ATG16L1: variants seen among roughly 807,000 people sequenced by gnomAD.
ATG16L1 encodes autophagy-related protein 16-1.
A neutral mutation model predicts 88.5 loss-of-function variants in ATG16L1; 37 were observed. That is an observed-to-expected ratio of 0.42 (90% confidence interval 0.32 to 0.55). The LOEUF (loss-of-function observed/expected upper bound fraction) is 0.55. Ranked by LOEUF, ATG16L1 falls within the 20% of genes least tolerant of loss-of-function variation. The pLI, the probability that ATG16L1 is intolerant of heterozygous loss-of-function variation, is 0.13. For synonymous variants in ATG16L1, 301 were observed against 281.0 expected, an observed-to-expected ratio of 1.07 and a Z score of -0.71; for missense variants, 554 against 752.8, an observed-to-expected ratio of 0.74 and a Z score of 3.09.
intron 6 of ATG16L1, among the ~76,000 whole-genome samples, chr2:233,270,619 G>C (rs888273344): frequency 6.6e-6 from 1 of 152,112 alleles, no homozygotes; most frequent in African/African-American, 2.4e-5. Context: ...TAATGCGGTG[G>C]GGTTTTTGTT....
At chr2:233,271,799 T>G (rs374991868) in intron 6 of ATG16L1, among the ~76,000 whole-genome samples, 14 of 152,380 alleles carry the variant, frequency 9.2e-5, no homozygotes, top group East Asian at 5.8e-4. Flanking sequence ...TTCTCCTCTC[T>G]TCCTTGTATG....
rs1164275592 is a variant in ATG16L1 at position 233,294,708 on chromosome 2, G to A, written c.*358G>A. ...TGCCAAAATCAGCCCCCACATCAAG[G>A]TGGTGTTCTCTGTGCTTTCTCTCGT... On this transcript the variant is annotated 3_prime_UTR_variant, in exon 18 of 18. Coordinates refer to ENST00000392017, the MANE Select transcript of ATG16L1 (RefSeq NM_030803.7). 1.1e-5 allele frequency: 2 copies of A among 179,380 alleles called. No homozygotes were observed. Among genetic ancestry groups the A allele is most frequent in the East Asian group, 3.0e-4 (2 of 6,684 alleles). 11.1% of individuals were successfully genotyped at this position (179,380 alleles called of 1,614,324 possible).
chr2:233,251,729 G>T lies in ATG16L1; in HGVS notation c.-99G>T, dbSNP rs1574831294. ...GTGTGTGGAGGTGAGCTCCGGGATTGCCGGCATTCCCGCTTCTGCTGGTTG... is the reference window on the plus strand; with the variant it reads ...GTGTGTGGAGGTGAGCTCCGGGATTTCCGGCATTCCCGCTTCTGCTGGTTG... On this transcript the variant is annotated 5_prime_UTR_variant, in exon 1 of 18. Transcript: ENST00000392017. 1.8e-6 allele frequency: 2 copies of T among 1,087,462 alleles called. No homozygotes were observed. The highest frequency in any genetic ancestry group is 3.2e-5 in the African/African-American group (2 of 63,098). 67.4% of individuals were successfully genotyped at this position (1,087,462 alleles called of 1,614,324 possible).
At chr2:233,274,468 A>G in intron 8 of ATG16L1, 2 of 497,664 alleles carry the variant, frequency 4.0e-6, no homozygotes, top group South Asian at 5.7e-5. Flanking sequence ...GCAGGAGAGT[A>G]AGGCATGTGC....
chr2:233,293,389 C>G, intron 17 of ATG16L1, 32 bp downstream of exon 17: 2 of 1,587,244 alleles, frequency 1.3e-6, no homozygotes, highest in Non-Finnish European at 1.7e-6. Context: ...CCCCCCGTTG[C>G]GTTGTGAGCA....
At position 233,264,032 on chromosome 2, in the gene ATG16L1, G is replaced by T; in HGVS notation, c.356G>T (p.Arg119Leu). 6.2e-7 allele frequency: 1 copy of T among 1,614,014 alleles called. No individual in the cohort carries two copies. Among genetic ancestry groups the T allele is most frequent in the Non-Finnish European group, 8.5e-7 (1 of 1,179,948 alleles). ...LVIDLNNQMQ[R>L]KDREMQMNEA... ...ATTGACCTGAATAACCAAATGCAGCGGAAGGACAGGGAGATGCAGATGAAT... is the reference window on the plus strand; with the variant it reads ...ATTGACCTGAATAACCAAATGCAGCTGAAGGACAGGGAGATGCAGATGAAT... The change falls in exon 4 of 18, where the codon CGG (arginine) becomes CTG (leucine). Residue 119 changes from arginine (R) to leucine (L), a missense_variant. Around this residue, in one of 5 missense-constraint regions of ATG16L1, gnomAD observed 50 missense variants for 49.4 expected, o/e 1.01. Transcript: ENST00000392017.
chr2:233,252,717 T>C (rs1044117213), intron 1 of ATG16L1, among the ~76,000 whole-genome samples: 1 of 152,088 alleles, frequency 6.6e-6, no homozygotes, highest in Non-Finnish European at 1.5e-5. Flanking sequence ...GTAATATCTT[T>C]TAGGCGGGAC....
intron 16 of ATG16L1, among the ~76,000 whole-genome samples, chr2:233,293,054 G>C (rs4663421): frequency 0.077 from 11,708 of 152,262 alleles, 489 homozygotes; most frequent in African/African-American, 0.11. Flanking sequence ...TGATGCCACT[G>C]TTCATTAGCC....
At chr2:233,254,381 T>C (rs1224989091) in intron 1 of ATG16L1, among the ~76,000 whole-genome samples, 1 of 152,186 alleles carries the variant, frequency 6.6e-6, no homozygotes, top group African/African-American at 2.4e-5. Context: ...GGAGATCATT[T>C]CTATTATAGT....
At chr2:233,289,678 C>T (rs1437826938) in intron 12 of ATG16L1, among the ~76,000 whole-genome samples, 176 bp from the exon 13 acceptor site, 1 of 152,174 alleles carries the variant, frequency 6.6e-6, no homozygotes, top group Non-Finnish European at 1.5e-5. Context: ...AGGCGTGAGT[C>T]ACTGTGCCTG....
Position 233,264,989 on chromosome 2 carries a change from A to G in ATG16L1, c.487A>G (p.Lys163Glu). Residue 163 changes from lysine (K) to glutamate (E), a missense_variant, in exon 5 of 18, where the codon AAG (lysine) becomes GAG (glutamate). Transcript: ENST00000392017. ...CCTTGAAAGAGCCAACCAGACCCTG[A>G]AGGATGAATATGATGCCCTGCAGAT... is the stretch of plus-strand genomic sequence containing the variant. Reference protein sequence around the residue: ...CDLERANQTLKDEYDALQITF... With the variant: ...CDLERANQTLEDEYDALQITF... 4 of 1,614,190 alleles carry G rather than the reference A, an allele frequency of 2.5e-6. No individual in the cohort carries two copies. The highest frequency in any genetic ancestry group is 3.4e-6 in the Non-Finnish European group (4 of 1,180,022).
intron 2 of ATG16L1, among the ~76,000 whole-genome samples, chr2:233,259,203 T>C (rs1269356429): frequency 6.6e-6 from 1 of 152,004 alleles, no homozygotes; most frequent in African/African-American, 2.4e-5. Context: ...TGGTCTAAAG[T>C]GTGGGAAGAG....
intron 6 of ATG16L1, among the ~76,000 whole-genome samples, chr2:233,270,495 A>C (rs1417874043): frequency 1.3e-5 from 2 of 152,196 alleles, no homozygotes; most frequent in African/African-American, 2.4e-5. Flanking sequence ...GTTTGTGTTC[A>C]TCAGCTGTGA....
chr2:233,293,277 G>A lies in ATG16L1; in HGVS notation c.1650G>A (p.Ala550=), dbSNP rs1167746108. 9 of 1,614,130 alleles carry A rather than the reference G, an allele frequency of 5.6e-6. No homozygotes were observed. The highest frequency in any genetic ancestry group is 2.2e-5 in the East Asian group (1 of 44,882). Residue 550 remains alanine (A), a synonymous_variant, in exon 17 of 18, where the codon GCG becomes GCA. Transcript: ENST00000392017. ...GTAGCCCTGATGGCAGTTACGTGGC[G>A]GCAGGCTCTGCTGAGGGCTCTCTGT... ...VVFSPDGSYV[A]AGSAEGSLYI...
At chr2:233,289,671 C>T (rs115020678) in intron 12 of ATG16L1, among the ~76,000 whole-genome samples, 183 bp from the exon 13 acceptor site, 2,097 of 152,264 alleles carry the variant, frequency 0.014, 49 homozygotes, top group African/African-American at 0.049. Flanking sequence ...GGATTGCAGG[C>T]GTGAGTCACT....
chr2:233,273,353 G>A, intron 7 of ATG16L1: 1 of 493,256 alleles, frequency 2.0e-6, no homozygotes. Flanking sequence ...TGATCATCCT[G>A]TTTCATTCTT....
At chr2:233,255,978 G>T (rs1287142676) in intron 1 of ATG16L1, 124 bp from the exon 2 acceptor site, 1 of 714,656 alleles carries the variant, frequency 1.4e-6, no homozygotes, top group Non-Finnish European at 2.3e-6. Context: ...GATTCTGTAG[G>T]TTACTGTGGC....
chr2:233,261,346 C>T (rs556277159), intron 2 of ATG16L1, among the ~76,000 whole-genome samples: 7 of 152,104 alleles, frequency 4.6e-5, no homozygotes, highest in Non-Finnish European at 7.4e-5. Context: ...TCCAGGAGTT[C>T]GAGGCCAGCC....
At chr2:233,264,543 GA>G (rs1424515406) in intron 4 of ATG16L1, among the ~76,000 whole-genome samples, 3 of 152,204 alleles carry the variant, frequency 2.0e-5, no homozygotes, top group Admixed American at 2.0e-4. Context: ...TTAATATGTG[GA>G]AAGGGGTCTA....
Sources: allele counts gnomAD v4.1 joint callset (sites outside exome capture counted in the v4.1 genomes callset), GRCh38; gene constraint gnomAD v4.1.1; regional missense constraint gnomAD v4.1.1; transcripts MANE v1.5; gene names NCBI Gene and HGNC (gene_info 2026-07-23, HGNC 2026-07-21).